MAX: variants seen among roughly 807,000 people sequenced by gnomAD.
MAX encodes MYC associated transcriptional regulator X.
Under a neutral mutation model 22.3 loss-of-function variants are expected in MAX, and 3 were observed. The ratio of observed to expected loss-of-function variants is 0.13; its 90% CI spans 0.06 to 0.35. The LOEUF (loss-of-function observed/expected upper bound fraction) is 0.35. MAX is among the 10% of genes least tolerant of loss of function. The pLI is 1.00. For missense variants in MAX, 119 were observed against 209.4 expected, an observed-to-expected ratio of 0.57 and a Z score of 2.66; for synonymous variants, 72 against 77.7, an observed-to-expected ratio of 0.93 and a Z score of 0.39.
Position 65,084,993 on chromosome 14 carries a change from A to G in MAX, c.172-6957T>C, listed in dbSNP as rs1345263520. On this transcript the variant is annotated intron_variant, in intron 3 of 4. Transcript: ENST00000358664. This position sits in a 1 kb window ranked among gnomAD's most constrained non-coding sequence, Gnocchi z 4.3. ...GGGGCAGGGGGGGTACGGAGAGTCT[A>G]TTTTTGGATTATACTATCTGATCTG... Among the ~76,000 whole-genome samples the G allele has an allele frequency of 6.6e-6, 1 of 152,078 alleles. No individual in the cohort carries two copies. Among genetic ancestry groups the G allele is most frequent in the African/African-American group, 2.4e-5 (1 of 41,384 alleles).
At chr14:65,071,268 A>G (rs1422303339), downstream of MAX, among the ~76,000 whole-genome samples, 19 of 151,872 alleles carry the variant, frequency 1.3e-4, no homozygotes, top group Admixed American at 1.2e-3. This position sits in a 1 kb window ranked among gnomAD's most constrained non-coding sequence, Gnocchi z 4.2. Flanking sequence ...CAGTCTCCCG[A>G]GTAGCTGGGA....
downstream of MAX, among the ~76,000 whole-genome samples, chr14:65,070,254 T>C (rs59753857): frequency 6.2e-3 from 944 of 152,330 alleles, 11 homozygotes; most frequent in African/African-American, 0.021. This position sits in a 1 kb window ranked among gnomAD's most constrained non-coding sequence, Gnocchi z 4.4. Flanking sequence ...CTTGTTTTTC[T>C]TGATAGGAGG....
rs773172989 is a variant in MAX, at chr14:65,102,291, C to T, written c.36+13G>A. On this transcript the variant is annotated intron_variant, in intron 1 of 4. Transcript: ENST00000358664. ...GACAACCCGCACGGGAAGGAAGAAGCCCCAGGACTCACGTCGCTCTCCACC... is the reference window on the plus strand; with the variant it reads ...GACAACCCGCACGGGAAGGAAGAAGTCCCAGGACTCACGTCGCTCTCCACC... The T allele has an allele frequency of 1.9e-6, 3 of 1,613,522 alleles. No homozygotes were observed. The South Asian group carries it at 3.3e-5, about 18-fold the overall frequency.
Position 65,093,830 on chromosome 14 carries a change from G to GA in MAX, c.64-16dup, listed in dbSNP as rs779530055. On this transcript the variant is annotated splice_polypyrimidine_tract_variant and intron_variant, in intron 2 of 4. Coordinates refer to ENST00000358664, the MANE Select transcript of MAX (RefSeq NM_002382.5). This position sits in a 1 kb window ranked among gnomAD's most constrained non-coding sequence, Gnocchi z 4.4. Reference sequence around the variant, plus strand: ...CGTTTGTCAGCCTAGAAGAATGGGAGAAAGAACACATTAGGAATGTCACTC... The same window carrying GA: ...CGTTTGTCAGCCTAGAAGAATGGGAGAAAAGAACACATTAGGAATGTCACTC... The GA allele has an allele frequency of 2.1e-6, 3 of 1,399,420 alleles. No individual in the cohort carries two copies. Among genetic ancestry groups the GA allele is most frequent in the East Asian group, 4.6e-5 (2 of 43,882 alleles). The allele number at this position is 1,399,420 out of a possible 1,614,324, so 86.7% of individuals were successfully genotyped here.
rs972427677 is a variant in MAX at position 65,007,654 on chromosome 14, C to G, written c.172-1370G>C. On this transcript the variant is annotated intron_variant, in intron 3 of 3. Transcript: ENST00000341653. The surrounding 1 kb of genome is among the most constrained non-coding windows in gnomAD (Gnocchi z 4.9). ...AGTCCCAAGGAGCTTTTTGACCATG[C>G]TTTTCATGGTTTTGTTTATTCATGT... Among the ~76,000 whole-genome samples, 4 of 152,150 alleles carry G rather than the reference C, an allele frequency of 2.6e-5. No individual in the cohort carries two copies. The highest frequency in any genetic ancestry group is 7.2e-5 in the African/African-American group (3 of 41,432).
At position 65,077,660 on chromosome 14, in the gene MAX, G is replaced by A. The variant is rs1436460329; in HGVS notation, c.295+253C>T. ...GCAGAGCACCTGAGCCCCAAGAAGG[G>A]GAGAGGTCAGGCCAGAAAAGATACA... On this transcript the variant is annotated intron_variant, in intron 4 of 4. Coordinates refer to ENST00000358664, the MANE Select transcript of MAX (RefSeq NM_002382.5). The surrounding 1 kb of genome is among the most constrained non-coding windows in gnomAD (Gnocchi z 6.3). 6.9e-7 allele frequency: 1 copy of A among 1,457,636 alleles called. No individual in the cohort carries two copies. Among genetic ancestry groups the A allele is most frequent in the African/African-American group, 1.4e-5 (1 of 71,170 alleles). 90.3% of individuals were successfully genotyped at this position (1,457,636 alleles called of 1,614,324 possible). A position where few individuals can be genotyped will look rare whatever the true frequency, so the allele number is the denominator to read the frequency against.
At chr14:65,036,760 C>A (rs1255528369) in intron 3 of MAX, among the ~76,000 whole-genome samples, 1 of 152,020 alleles carries the variant, frequency 6.6e-6, no homozygotes, top group Non-Finnish European at 1.5e-5. Flanking sequence ...GTGGCGTAAT[C>A]TCAGCTCACT....
At position 65,078,935 on chromosome 14, in the gene MAX, A is replaced by G. The variant is rs1277253125; in HGVS notation, c.172-899T>C. ...AAGAACCCAAGGATCAGAGAAGTAC[A>G]CCGCTTTATTCAAAATCACCAGCTG... On this transcript the variant is annotated intron_variant, in intron 3 of 4. Transcript: ENST00000358664. The surrounding 1 kb of genome is among the most constrained non-coding windows in gnomAD (Gnocchi z 6.4). Among the ~76,000 whole-genome samples, 1 of 152,178 alleles carries G rather than the reference A, an allele frequency of 6.6e-6. No homozygotes were observed. Among genetic ancestry groups the G allele is most frequent in the Middle Eastern group, 3.2e-3 (1 of 316 alleles).
Position 65,009,631 on chromosome 14 carries a change from C to G in MAX, c.172-3347G>C, listed in dbSNP as rs945068798. Among the ~76,000 whole-genome samples, 3 of 152,216 alleles carry G rather than the reference C, an allele frequency of 2.0e-5. No individual in the cohort carries two copies. Among genetic ancestry groups the G allele is most frequent in the Non-Finnish European group, 2.9e-5 (2 of 68,046 alleles). On this transcript the variant is annotated intron_variant, in intron 3 of 3. Transcript: ENST00000341653. This position sits in a 1 kb window ranked among gnomAD's most constrained non-coding sequence, Gnocchi z 4.2. ...TCCCAGCCCTCCTCCATCCTCTTTA[C>G]AGACCTTCCCTATGGATTTCCTCTG...
In MAX at chr14:65,009,379, G is replaced by A. The variant is rs914817649; in HGVS notation, c.172-3095C>T. On this transcript the variant is annotated intron_variant, in intron 3 of 3. Coordinates refer to the MAX transcript ENST00000341653. The surrounding 1 kb of genome is among the most constrained non-coding windows in gnomAD (Gnocchi z 4.2). ...TAACTGCCTTATAATCCTTTTATTC[G>A]TCTCATGTAGATTCCCTAACACACC... Among the ~76,000 whole-genome samples, 7 of 151,836 alleles carry A rather than the reference G, an allele frequency of 4.6e-5. No individual in the cohort carries two copies. The highest frequency in any genetic ancestry group is 1.5e-4 in the African/African-American group (6 of 41,284).
intron 3 of MAX, among the ~76,000 whole-genome samples, chr14:65,085,951 TC>T (rs2063323428): frequency 6.6e-6 from 1 of 152,114 alleles, no homozygotes; most frequent in Admixed American, 6.5e-5. Flanking sequence ...CTCCCACAAT[TC>T]CCATGTGTCG....
chr14:65,026,143 A>G (rs942830267), intron 3 of MAX, among the ~76,000 whole-genome samples: 1 of 152,210 alleles, frequency 6.6e-6, no homozygotes, highest in African/African-American at 2.4e-5. Context: ...AGGCCCCATG[A>G]ACACTGCAAA....
chr14:65,083,834 T>C (rs979716667), intron 3 of MAX: 14 of 1,176,842 alleles, frequency 1.2e-5, no homozygotes, highest in African/African-American at 3.1e-5. Context: ...CTTTTACACA[T>C]ATGAAGGTAA....
chr14:65,101,079 G>C (rs970668785), intron 2 of MAX, among the ~76,000 whole-genome samples: 1 of 152,194 alleles, frequency 6.6e-6, no homozygotes, highest in South Asian at 2.1e-4. Context: ...TGTTGTGCTA[G>C]ATTCTACGGG....
In MAX at chr14:65,076,374, TAA is replaced by T. The variant is rs781284159; in HGVS notation, c.*100_*101del. The T allele has an allele frequency of 4.3e-5, 67 of 1,569,750 alleles. No individual in the cohort carries two copies. The highest frequency in any genetic ancestry group is 5.3e-5 in the Non-Finnish European group (62 of 1,159,318). On this transcript the variant is annotated 3_prime_UTR_variant, in exon 5 of 5. Transcript: ENST00000358664. This position sits in a 1 kb window ranked among gnomAD's most constrained non-coding sequence, Gnocchi z 6.6. ...AAAAAAAAAGGGAGAAAGAGAAAAA[TAA>T]AGAGTCTCTTAAATGGTTCTGAGGG...
intron 3 of MAX, among the ~76,000 whole-genome samples, chr14:65,021,208 G>A (rs941269662): frequency 1.3e-5 from 2 of 152,146 alleles, no homozygotes; most frequent in African/African-American, 4.8e-5. Flanking sequence ...GTGAAACAGA[G>A]CAAAATAAAA....
chr14:65,097,888 A>G (rs1013296809), intron 2 of MAX, among the ~76,000 whole-genome samples: 1 of 152,210 alleles, frequency 6.6e-6, no homozygotes, highest in Admixed American at 6.5e-5. Context: ...CAATTTTCCA[A>G]TACCTGTCCT....
chr14:65,072,577 A>G (rs542949815), downstream of MAX, among the ~76,000 whole-genome samples: 1 of 152,286 alleles, frequency 6.6e-6, no homozygotes, highest in Non-Finnish European at 1.5e-5. Flanking sequence ...ACCACCTGAA[A>G]GAGCTTGTTA....
chr14:65,060,948 A>G (rs112997790), intron 3 of MAX, among the ~76,000 whole-genome samples: 4 of 150,156 alleles, frequency 2.7e-5, no homozygotes, highest in African/African-American at 9.8e-5. Context: ...TGTTGTAAGT[A>G]TTTGCCTGTA....
Sources: gnomAD v4.1 joint callset for allele counts (sites outside exome capture counted in the v4.1 genomes callset) on GRCh38, gnomAD v4.1.1 for gene constraint, Gnocchi (gnomAD v3.1) non-coding constraint, MANE v1.5 for transcripts, NCBI Gene and HGNC (gene_info 2026-07-23, HGNC 2026-07-21) for gene names.